Variants in ANKAR observed in about 807,000 individuals in gnomAD.
The protein encoded by ANKAR is ankyrin and armadillo repeat-containing protein.
A neutral mutation model predicts 146.2 loss-of-function variants in ANKAR; 136 were observed. The observed-to-expected ratio is 0.93, with a 90% CI of 0.81 to 1.07. ANKAR has a LOEUF of 1.07. Among genes scored for constraint, ANKAR ranks in the 50% least tolerant of loss-of-function variants. ANKAR has a pLI of 0.00. For missense variants in ANKAR, 1,567 were observed against 1,679.9 expected (o/e 0.93, Z 1.18); for synonymous variants, 500 against 575.8 (o/e 0.87, Z 1.88).
chr2:189,697,786 CAT>C (rs2037437888), intron 7 of ANKAR, among the ~76,000 whole-genome samples: 1 of 151,992 alleles, frequency 6.6e-6, no homozygotes, highest in South Asian at 2.1e-4. Context: ...GTGTGGAAAA[CAT>C]AGTACTCTAC....
intron 21 of ANKAR, among the ~76,000 whole-genome samples, chr2:189,743,971 T>C (rs1039612705): frequency 2.6e-5 from 4 of 152,180 alleles, no homozygotes; most frequent in Non-Finnish European, 5.9e-5. Context: ...ATGTTGTGGT[T>C]TCATCACAAA....
At chr2:189,750,560 T>G (rs2045009461), downstream of ANKAR, 1 of 1,450,818 alleles carries the variant, frequency 6.9e-7, no homozygotes. Context: ...CTTTAGGGAC[T>G]TTTTTGAACA....
intron 18 of ANKAR, chr2:189,761,060 T>C (rs1303568101): frequency 2.6e-5 from 4 of 152,748 alleles, no homozygotes; most frequent in Non-Finnish European, 5.6e-5. Flanking sequence ...GTTATATGTA[T>C]AAATATGAAT....
chr2:189,675,293 GTTA>G (rs1490724978), intron 1 of ANKAR, among the ~76,000 whole-genome samples: 5 of 152,244 alleles, frequency 3.3e-5, no homozygotes, highest in African/African-American at 1.2e-4. Flanking sequence ...AGTAGTTGTG[GTTA>G]TTATTATTTC....
At position 189,736,368 on chromosome 2, in the gene ANKAR, C is replaced by T. The variant is rs534002754; in HGVS notation, c.3424-1315C>T. On this transcript the variant is annotated intron_variant, in intron 17 of 22. Coordinates refer to ENST00000684021, the MANE Select transcript of ANKAR (RefSeq NM_001378068.1). The stretch of plus-strand genomic sequence containing the variant: ...GCCCCTTTGGTTCATTTCCCATTGC[C>T]ACTCTTTCCTACTTGGCTCTAGGTT... Among the ~76,000 whole-genome samples the T allele has an allele frequency of 5.9e-5, 9 of 152,224 alleles. No individual in the cohort carries two copies. In the East Asian group the frequency reaches 1.7e-3, roughly 29 times the overall value.
Position 189,711,087 on chromosome 2 carries a change from G to C in ANKAR, c.2158G>C (p.Ala720Pro), listed in dbSNP as rs748440265. 1 of 1,614,064 alleles carries C rather than the reference G, an allele frequency of 6.2e-7. No homozygotes were observed. The highest frequency in any genetic ancestry group is 1.7e-5 in the Admixed American group (1 of 60,020). The change falls in exon 10 of 23, where the codon GCC (alanine) becomes CCC (proline). Residue 720 changes from alanine (A) to proline (P), a missense_variant. By Grantham distance (27) the Ala-to-Pro change is conservative. Transcript: ENST00000684021. The part of the protein sequence containing the change: ...QCESYKRRMM[A>P]VMSLEVICLA... The stretch of plus-strand genomic sequence containing the variant: ...TGAAAGCTATAAACGAAGGATGATG[G>C]CCGTCATGTCCTTGGAAGTAATTTG...
intron 9 of ANKAR, among the ~76,000 whole-genome samples, chr2:189,710,590 A>G (rs569842302): frequency 5.3e-5 from 8 of 152,266 alleles, no homozygotes; most frequent in Admixed American, 5.2e-4. Flanking sequence ...GCTTGAACCC[A>G]AGAGTTTGAG....
At chr2:189,715,788 G>A (rs1291976533) in intron 10 of ANKAR, among the ~76,000 whole-genome samples, 7 of 152,026 alleles carry the variant, frequency 4.6e-5, no homozygotes, top group African/African-American at 9.7e-5. Flanking sequence ...TTCAACATAC[G>A]CAAATCAATA....
rs138906330 is a variant in ANKAR, at chr2:189,715,082, C to G, written c.2224+3929C>G. Among the ~76,000 whole-genome samples the G allele has an allele frequency of 3.2e-3, 490 of 151,412 alleles. 1 individual carries two copies. The highest frequency in any genetic ancestry group is 0.012 in the African/African-American group (475 of 41,264). ...AAAGCTAACAGAAGGTGAGAAATAA[C>G]TAAGATCAGAGCAGAACTGAAGGAG... On this transcript the variant is annotated intron_variant, in intron 10 of 22. Transcript: ENST00000684021.
At chr2:189,681,173 T>G (rs1037748147) in intron 2 of ANKAR, among the ~76,000 whole-genome samples, 1 of 152,218 alleles carries the variant, frequency 6.6e-6, no homozygotes, top group African/African-American at 2.4e-5. Context: ...AGATGGAAAC[T>G]TTCAGTATAG....
intron 17 of ANKAR, among the ~76,000 whole-genome samples, chr2:189,735,333 T>C (rs907902865): frequency 7.9e-5 from 12 of 152,184 alleles, no homozygotes; most frequent in Non-Finnish European, 1.3e-4. Context: ...AACCAAAGGA[T>C]TTATCCGGCC....
intron 22 of ANKAR, among the ~76,000 whole-genome samples, chr2:189,745,861 G>A (rs944884831): frequency 3.3e-5 from 5 of 152,084 alleles, no homozygotes; most frequent in Non-Finnish European, 7.4e-5. Context: ...GAATATCATG[G>A]GTAGAAAAGC....
intron 9 of ANKAR, 110 bp from the exon 10 acceptor site, chr2:189,710,939 G>A (rs2105709656): frequency 2.4e-6 from 2 of 817,432 alleles, no homozygotes; most frequent in South Asian, 1.6e-5. Context: ...GGTGGTAATA[G>A]TGGTGACCTC....
intron 2 of ANKAR, among the ~76,000 whole-genome samples, chr2:189,688,686 G>A (rs978026880): frequency 4.0e-5 from 6 of 149,896 alleles, no homozygotes; most frequent in Non-Finnish European, 9.1e-5. Context: ...GAAGAGCTAC[G>A]AACATTCATG....
At chr2:189,697,343 T>C (rs2037372331) in intron 7 of ANKAR, among the ~76,000 whole-genome samples, 3 of 152,022 alleles carry the variant, frequency 2.0e-5, no homozygotes, top group Admixed American at 1.3e-4. Flanking sequence ...AGGTTACACA[T>C]ATATATGTAC....
At chr2:189,695,861 TAAATC>T (rs1402492487) in intron 6 of ANKAR, among the ~76,000 whole-genome samples, 2 of 152,202 alleles carry the variant, frequency 1.3e-5, no homozygotes, top group African/African-American at 4.8e-5. Context: ...AGGTTTTTCT[TAAATC>T]AGAGAAGGAA....
intron 12 of ANKAR, among the ~76,000 whole-genome samples, chr2:189,726,733 G>A: frequency 6.6e-6 from 1 of 152,118 alleles, no homozygotes; most frequent in East Asian, 1.9e-4. Flanking sequence ...TATGATTAAA[G>A]TATTGCATCT....
chr2:189,698,472 T>C (rs1180828964), intron 7 of ANKAR, among the ~76,000 whole-genome samples: 1 of 152,030 alleles, frequency 6.6e-6, no homozygotes, highest in Non-Finnish European at 1.5e-5. Context: ...GAATGAGTCG[T>C]TTTTGACTGA....
At chr2:189,728,240 G>A in intron 13 of ANKAR, 27 bp from the exon 14 acceptor site, 2 of 1,569,272 alleles carry the variant, frequency 1.3e-6, no homozygotes, top group Non-Finnish European at 1.7e-6. Context: ...AATGTTCACT[G>A]AATTAATGAA....
Sources: gnomAD v4.1 joint callset for allele counts (sites outside exome capture counted in the v4.1 genomes callset) on GRCh38, gnomAD v4.1.1 for gene constraint, MANE v1.5 for transcripts, NCBI Gene and HGNC (gene_info 2026-07-23, HGNC 2026-07-21) for gene names.